CDC20B: variants seen among roughly 807,000 people sequenced by gnomAD.
CDC20B encodes the protein cell division cycle protein 20 homolog B.
A neutral mutation model predicts 64.1 loss-of-function variants in CDC20B; 58 were observed. That is an observed-to-expected ratio of 0.90 (90% CI 0.73 to 1.13). The LOEUF is 1.13. CDC20B is among the 50% of genes most tolerant of loss of function. The probability of loss-of-function intolerance (pLI) is 0.00; values close to 1 mark genes in which losing one functional copy is unlikely to be tolerated. For missense variants in CDC20B, 597 were observed against 633.0 expected (o/e 0.94, Z 0.61); for synonymous variants, 243 against 230.6 (o/e 1.05, Z -0.49).
chr5:55,129,432 C>T (rs1201525364), intron 6 of CDC20B, among the ~76,000 whole-genome samples: 1 of 152,140 alleles, frequency 6.6e-6, no homozygotes, highest in Non-Finnish European at 1.5e-5. Flanking sequence ...GCCCTGAGGA[C>T]AGGCCCCATT....
Position 55,146,653 on chromosome 5 carries a change from C to T in CDC20B, c.330G>A (p.Pro110=), listed in dbSNP as rs767396983. ...PEASGSVLKT[P]PEKETLTLGS... is the part of the protein sequence containing the mutation. ...CTAGAGTCAAGGTCTCTTTCTCAGG[C>T]GGTGTCTTCAGCACTGATCCGGAAG... The change falls in exon 3 of 12, where the codon CCG becomes CCA. Residue 110 remains proline, a synonymous_variant. Transcript: ENST00000381375. The T allele has an allele frequency of 2.0e-5, 32 of 1,614,022 alleles. No individual in the cohort carries two copies. The highest frequency in any genetic ancestry group is 2.5e-5 in the Non-Finnish European group (30 of 1,179,930).
rs563516827 is a variant in CDC20B, at chr5:55,158,678, A to G, written c.127-11822T>C. On this transcript the variant is annotated intron_variant, in intron 2 of 11. Coordinates refer to ENST00000381375, the MANE Select transcript of CDC20B (RefSeq NM_001170402.1). ...TCCCTGCACTTTCTGGAAACACATCATGATCAAATGGCATAATGCCCCTTC... is the reference window on the plus strand; with the variant it reads ...TCCCTGCACTTTCTGGAAACACATCGTGATCAAATGGCATAATGCCCCTTC... Among the ~76,000 whole-genome samples the G allele has an allele frequency of 1.1e-4, 17 of 152,300 alleles. No homozygotes were observed. The South Asian group carries it at 2.3e-3, about 20-fold the overall frequency.
chr5:55,140,761 T>C (rs2111866113), intron 4 of CDC20B, among the ~76,000 whole-genome samples: 1 of 152,280 alleles, frequency 6.6e-6, no homozygotes, highest in East Asian at 1.9e-4. Context: ...TGAATGGCCA[T>C]CTTAAGGTCC....
chr5:55,133,400 A>G lies in CDC20B; in HGVS notation c.697+12T>C, dbSNP rs1743077822. ...TTTCAACTTTTAATTCCCAATCTAAATGATAACTTACAGTAGTCATTTCGA... is the reference window on the plus strand; with the variant it reads ...TTTCAACTTTTAATTCCCAATCTAAGTGATAACTTACAGTAGTCATTTCGA... On this transcript the variant is annotated intron_variant, in intron 6 of 11. Transcript: ENST00000381375. The G allele has an allele frequency of 7.5e-7, 1 of 1,333,588 alleles. No homozygotes were observed. The highest frequency in any genetic ancestry group is 1.0e-6 in the Non-Finnish European group (1 of 963,404). 82.6% of individuals were successfully genotyped at this position (1,333,588 alleles called of 1,614,324 possible).
chr5:55,158,812 G>A (rs927561408), intron 2 of CDC20B, among the ~76,000 whole-genome samples: 3 of 152,046 alleles, frequency 2.0e-5, no homozygotes, highest in Non-Finnish European at 2.9e-5. Flanking sequence ...ATTCATGACC[G>A]TTAGCAACAG....
intron 2 of CDC20B, among the ~76,000 whole-genome samples, chr5:55,159,213 C>T (rs752298135): frequency 2.0e-5 from 3 of 152,106 alleles, no homozygotes; most frequent in South Asian, 2.1e-4. Context: ...ACAGGGGTAT[C>T]GCTTTCTTGC....
chr5:55,166,283 T>C (rs371857205), intron 2 of CDC20B: 21 of 152,376 alleles, frequency 1.4e-4, no homozygotes, highest in African/African-American at 5.1e-4. Context: ...ATGATACAGA[T>C]GAACATCCTG....
chr5:55,156,949 G>A (rs1169239737), intron 2 of CDC20B, among the ~76,000 whole-genome samples: 17 of 152,104 alleles, frequency 1.1e-4, no homozygotes, highest in Admixed American at 1.0e-3. Flanking sequence ...TAATCCTTCC[G>A]TTTCTTGTGT....
chr5:55,119,083 G>C (rs1023322706), intron 11 of CDC20B, among the ~76,000 whole-genome samples: 4 of 152,210 alleles, frequency 2.6e-5, no homozygotes, highest in Non-Finnish European at 5.9e-5. Flanking sequence ...GGATTGGCCA[G>C]GAGGCCAGGT....
chr5:55,153,515 A>G (rs962274260), intron 2 of CDC20B, among the ~76,000 whole-genome samples: 24 of 152,176 alleles, frequency 1.6e-4, no homozygotes, highest in Non-Finnish European at 2.9e-4. Flanking sequence ...TGGTTCTCCA[A>G]TAGGAGAAGC....
At chr5:55,130,591 A>C (rs896112252) in intron 6 of CDC20B, among the ~76,000 whole-genome samples, 2 of 152,180 alleles carry the variant, frequency 1.3e-5, no homozygotes, top group African/African-American at 4.8e-5. Flanking sequence ...AAGATGGAAA[A>C]TCTAACAGAA....
chr5:55,161,502 C>G (rs1255413102), intron 2 of CDC20B, among the ~76,000 whole-genome samples: 1 of 152,138 alleles, frequency 6.6e-6, no homozygotes, highest in Non-Finnish European at 1.5e-5. Context: ...TACCATCTTC[C>G]TGAAGAATTT....
chr5:55,135,264 G>C (rs967828931), intron 5 of CDC20B, among the ~76,000 whole-genome samples: 2 of 152,100 alleles, frequency 1.3e-5, no homozygotes. Flanking sequence ...GAGAGAAAGA[G>C]AGAGGGAGAG....
At chr5:55,116,747 A>G (rs1418817175) in intron 11 of CDC20B, among the ~76,000 whole-genome samples, 1 of 152,252 alleles carries the variant, frequency 6.6e-6, no homozygotes, top group Non-Finnish European at 1.5e-5. Flanking sequence ...CTTTTGTGTT[A>G]TGATGAAGAA....
intron 4 of CDC20B, among the ~76,000 whole-genome samples, chr5:55,140,686 C>A (rs577679663): frequency 6.6e-6 from 1 of 152,290 alleles, no homozygotes; most frequent in South Asian, 2.1e-4. Context: ...TTTTACTCTT[C>A]TAGCCTAAAA....
intron 8 of CDC20B, 140 bp downstream of exon 8, chr5:55,127,117 A>T: frequency 1.4e-6 from 1 of 700,096 alleles, no homozygotes; most frequent in Non-Finnish European, 2.4e-6. Flanking sequence ...AGAGGGTGGG[A>T]TCATACCTGA....
chr5:55,133,676 C>T (rs538106899), intron 5 of CDC20B, 148 bp from the exon 6 acceptor site: 107 of 428,668 alleles, frequency 2.5e-4, no homozygotes, highest in African/African-American at 2.0e-3. Flanking sequence ...TACAAAGAGC[C>T]GGGGAAGGAA....
At chr5:55,143,483 G>A (rs1743385076) in intron 4 of CDC20B, 30 bp downstream of exon 4, 2 of 1,553,094 alleles carry the variant, frequency 1.3e-6, no homozygotes, top group Non-Finnish European at 1.7e-6. Flanking sequence ...CTCTAGATGT[G>A]GGATCTTCAG....
chr5:55,168,709 G>C (rs932091847), intron 2 of CDC20B, among the ~76,000 whole-genome samples: 3 of 152,042 alleles, frequency 2.0e-5, no homozygotes, highest in Non-Finnish European at 2.9e-5. Context: ...ATTTAAGTTG[G>C]CATTTTCAGA....
Sources: allele counts gnomAD v4.1 joint callset (sites outside exome capture counted in the v4.1 genomes callset), GRCh38; gene constraint gnomAD v4.1.1; transcripts MANE v1.5; gene names NCBI Gene and HGNC (gene_info 2026-07-23, HGNC 2026-07-21).